Variants in RORA observed in about 807,000 individuals in gnomAD.
RORA encodes RAR related orphan receptor A.
In RORA, 7 loss-of-function variants were observed where a neutral mutation model predicts 69.5. The ratio of observed to expected loss-of-function variants is 0.10; its 90% CI spans 0.06 to 0.19. The LOEUF is 0.19. Ranked by LOEUF, RORA falls within the 10% of genes least tolerant of loss-of-function variation. The probability of loss-of-function intolerance (pLI) is 1.00; values close to 1 mark genes in which losing one functional copy is unlikely to be tolerated. For synonymous variants in RORA, 261 were observed against 240.8 expected (o/e 1.08, Z -0.78); for missense variants, 457 against 663.0 (o/e 0.69, Z 3.41).
intron 1 of RORA, among the ~76,000 whole-genome samples, chr15:60,704,778 A>G (rs1196054621): frequency 6.6e-6 from 1 of 152,220 alleles, no homozygotes; most frequent in Non-Finnish European, 1.5e-5. Context: ...TTATTGATTC[A>G]GTTCCAGACC....
chr15:60,585,446 T>G (rs1158278189), intron 2 of RORA, among the ~76,000 whole-genome samples: 1 of 152,212 alleles, frequency 6.6e-6, no homozygotes. Flanking sequence ...ATAGTTTTTT[T>G]CATCCATGTT....
chr15:61,084,693 C>T (rs1431713565), intron 1 of RORA, among the ~76,000 whole-genome samples: 1 of 152,200 alleles, frequency 6.6e-6, no homozygotes, highest in East Asian at 1.9e-4. Context: ...CAGAGCAATG[C>T]ACAGAACCGG....
intron 5 of RORA, among the ~76,000 whole-genome samples, chr15:60,506,584 G>T (rs1187425480): frequency 6.6e-6 from 1 of 152,196 alleles, no homozygotes; most frequent in Non-Finnish European, 1.5e-5. Flanking sequence ...TGGGTGTGGT[G>T]GCTCACGCCT....
chr15:60,822,668 G>C (rs1033750366), intron 1 of RORA, among the ~76,000 whole-genome samples: 4 of 152,178 alleles, frequency 2.6e-5, no homozygotes, highest in Non-Finnish European at 5.9e-5. Context: ...GTATACACTA[G>C]CCAGTGCTCA....
intron 1 of RORA, among the ~76,000 whole-genome samples, chr15:60,872,324 A>G (rs530717785): frequency 6.6e-6 from 1 of 152,346 alleles, no homozygotes; most frequent in South Asian, 2.1e-4. Context: ...AAAGGATAAC[A>G]AATTCAAAAT....
intron 1 of RORA, among the ~76,000 whole-genome samples, chr15:60,924,960 T>A (rs1260733650): frequency 6.6e-6 from 1 of 152,048 alleles, no homozygotes; most frequent in Admixed American, 6.6e-5. Flanking sequence ...ATGCCTGTAG[T>A]TCCAGCTACT....
At chr15:61,224,640 G>A (rs1257599868) in intron 1 of RORA, among the ~76,000 whole-genome samples, 1 of 152,168 alleles carries the variant, frequency 6.6e-6, no homozygotes, top group Non-Finnish European at 1.5e-5. Flanking sequence ...CATGTCCAAG[G>A]AAAAGAACCC....
At position 60,517,118 on chromosome 15, in the gene RORA, T is replaced by TC. The variant is rs202020185; in HGVS notation, c.283-2362_283-2361insG. ...CTTTTTGTTCATCTGTGCTTTTTTTTTTTTTCCCCCCTACAATAGGCAGAT... is the reference window on the plus strand; with the variant it reads ...CTTTTTGTTCATCTGTGCTTTTTTTTCTTTTTCCCCCCTACAATAGGCAGAT... On this transcript the variant is annotated intron_variant, in intron 3 of 10. Coordinates refer to ENST00000335670, the MANE Select transcript of RORA (RefSeq NM_134261.3). 8.4e-3 allele frequency among the ~76,000 whole-genome samples: 1,258 copies of TC among 149,744 alleles called. 34 individuals carry two copies. Among genetic ancestry groups the TC allele is most frequent in the African/African-American group, 0.03 (1,177 of 39,728 alleles).
chr15:60,985,448 T>C (rs572297424), intron 1 of RORA, among the ~76,000 whole-genome samples: 7 of 152,248 alleles, frequency 4.6e-5, no homozygotes, highest in Non-Finnish European at 1.0e-4. Flanking sequence ...CTAATCCAAA[T>C]TGAGAAAAAT....
rs1567031235 is a variant in RORA, at chr15:60,494,281, A to G, written c.*3174T>C. The G allele has an allele frequency of 6.6e-6, 1 of 152,196 alleles. No homozygotes were observed. 9.4% of individuals were successfully genotyped at this position (152,196 alleles called of 1,614,324 possible). On this transcript the variant is annotated 3_prime_UTR_variant, in exon 11 of 11. Transcript: ENST00000335670. ...TGTGACCAAGGCCAGGTTTTTCACA[A>G]TATAATAACCATTTGGACACCATTG...
At chr15:60,749,051 C>G (rs568410830) in intron 1 of RORA, among the ~76,000 whole-genome samples, 1 of 152,136 alleles carries the variant, frequency 6.6e-6, no homozygotes, top group Non-Finnish European at 1.5e-5. Flanking sequence ...AGAGTCCATC[C>G]CCAGGGATCC....
intron 2 of RORA, chr15:60,614,963 C>T (rs779480778): frequency 6.2e-7 from 1 of 1,614,060 alleles, no homozygotes; most frequent in Non-Finnish European, 8.5e-7. Context: ...GCTGTGGCTC[C>T]ATCCCAGTTT....
At chr15:61,214,187 T>C (rs779663777) in intron 1 of RORA, 1 of 152,182 alleles carries the variant, frequency 6.6e-6, no homozygotes, top group Non-Finnish European at 1.5e-5. Flanking sequence ...ACTAAGAAAA[T>C]AATAATGGAA....
At chr15:60,778,903 T>C (rs975993411) in intron 1 of RORA, among the ~76,000 whole-genome samples, 6 of 152,062 alleles carry the variant, frequency 3.9e-5, no homozygotes, top group Non-Finnish European at 7.4e-5. Flanking sequence ...GACTGTGAGG[T>C]TTCCTTTGAG....
chr15:60,516,239 A>ATATATATT (rs1324825132), intron 3 of RORA, among the ~76,000 whole-genome samples: 7 of 75,340 alleles, frequency 9.3e-5, no homozygotes, highest in Non-Finnish European at 1.6e-4. Flanking sequence ...ATATATTTAT[A>ATATATATT]TATATATATT....
chr15:61,155,113 A>G (rs1426008818), intron 1 of RORA, among the ~76,000 whole-genome samples: 2 of 152,196 alleles, frequency 1.3e-5, no homozygotes, highest in African/African-American at 4.8e-5. Context: ...TGTTGTCACC[A>G]CAAAGAAATG....
intron 2 of RORA, chr15:60,600,841 C>G (rs754100277): frequency 7.9e-5 from 12 of 152,118 alleles, no homozygotes; most frequent in African/African-American, 1.2e-4. Flanking sequence ...ACTGTTGCTG[C>G]TACTACCTCT....
chr15:60,915,094 C>T (rs1047128903), intron 1 of RORA, among the ~76,000 whole-genome samples: 2 of 152,208 alleles, frequency 1.3e-5, no homozygotes, highest in East Asian at 3.8e-4. Context: ...AGAACTTGAA[C>T]ACTAGCCTAT....
At chr15:60,937,048 G>A (rs114130192) in intron 1 of RORA, among the ~76,000 whole-genome samples, 179 of 152,272 alleles carry the variant, frequency 1.2e-3, no homozygotes, top group African/African-American at 4.0e-3. Context: ...ACCATATGGA[G>A]TGCTCTATGT....
Sources: allele counts gnomAD v4.1 joint callset (sites outside exome capture counted in the v4.1 genomes callset), GRCh38; gene constraint gnomAD v4.1.1; transcripts MANE v1.5; gene names NCBI Gene and HGNC (gene_info 2026-07-23, HGNC 2026-07-21).